Variants in PCDHA1 observed in about 807,000 individuals in gnomAD.
PCDHA1 encodes protocadherin alpha 1, also known as protocadherin alpha-1.
A neutral mutation model predicts 61.3 loss-of-function variants in PCDHA1; 42 were observed. The ratio of observed to expected loss-of-function variants is 0.69; its 90% CI spans 0.54 to 0.89. The LOEUF is 0.89. PCDHA1 is among the 40% of genes least tolerant of loss of function. The probability of loss-of-function intolerance (pLI) is 0.00; values close to 1 mark genes in which losing one functional copy is unlikely to be tolerated. For missense variants in PCDHA1, 1,256 were observed against 1,235.3 expected (o/e 1.02, Z -0.25); for synonymous variants, 610 against 553.8 (o/e 1.10, Z -1.43).
intron 1 of PCDHA1, among the ~76,000 whole-genome samples, chr5:140,790,164 G>A (rs1761570982): frequency 6.6e-6 from 1 of 152,154 alleles, no homozygotes; most frequent in Non-Finnish European, 1.5e-5. Context: ...AGGAAGATTT[G>A]ATTACTGATG....
At position 140,824,610 on chromosome 5, in the gene PCDHA1, G is replaced by GTTTTT. The variant is rs782443702; in HGVS notation, c.2394+35944_2394+35948dup. 4.6e-3 allele frequency: 437 copies of GTTTTT among 95,104 alleles called. 77 individuals carry two copies. Among genetic ancestry groups the GTTTTT allele is most frequent in the African/African-American group, 0.02 (401 of 20,564 alleles). 5.9% of individuals were successfully genotyped at this position (95,104 alleles called of 1,614,324 possible). On this transcript the variant is annotated intron_variant, in intron 1 of 3. Transcript: ENST00000504120. Reference sequence around the variant, plus strand: ...GGACTACATGCACATGCTAATTAAAGTTTTTTTTTTTTTTTTTTTTTTATT... The same window carrying GTTTTT: ...GGACTACATGCACATGCTAATTAAAGTTTTTTTTTTTTTTTTTTTTTTTTTTTATT...
intron 1 of PCDHA1, among the ~76,000 whole-genome samples, chr5:140,912,376 G>A (rs2075897019): frequency 6.6e-6 from 1 of 151,474 alleles, no homozygotes; most frequent in African/African-American, 2.4e-5. Context: ...TTGTAAAAGG[G>A]ATTGAGTTCT....
Position 140,926,904 on chromosome 5 carries a change from T to G in PCDHA1, c.2395-52045T>G, listed in dbSNP as rs150445810. Reference sequence around the variant, plus strand: ...CGCCTAGAGGGAGGATGGTGGGCTGTGGGGTGGCAGTTTTATGTTTGTGGG... The same window carrying G: ...CGCCTAGAGGGAGGATGGTGGGCTGGGGGGTGGCAGTTTTATGTTTGTGGG... On this transcript the variant is annotated intron_variant, in intron 1 of 3. Transcript: ENST00000504120. 5,017 of 1,557,626 alleles carry G rather than the reference T, an allele frequency of 3.2e-3. 25 individuals carry two copies. Among genetic ancestry groups the G allele is most frequent in the African/African-American group, 0.019 (1,427 of 73,544 alleles).
chr5:140,992,381 T>C (rs890804495), intron 3 of PCDHA1, among the ~76,000 whole-genome samples: 5 of 152,200 alleles, frequency 3.3e-5, no homozygotes, highest in Admixed American at 1.3e-4. Context: ...TACATTATTG[T>C]GTTCTGGACT....
Position 140,809,167 on chromosome 5 carries a change from G to A in PCDHA1, c.2394+20483G>A, listed in dbSNP as rs782582127. The A allele has an allele frequency of 8.7e-6, 14 of 1,613,872 alleles. 1 individual carries two copies. The South Asian group carries it at 8.8e-5, about 10-fold the overall frequency. The stretch of plus-strand genomic sequence containing the variant: ...AGGACCACGGCGAGCCCGCGCTGAC[G>A]GCCACGGCCACTGTGCTGGTGTCAC... On this transcript the variant is annotated intron_variant, in intron 1 of 3. Coordinates refer to ENST00000504120, the MANE Select transcript of PCDHA1 (RefSeq NM_018900.4).
chr5:140,877,090 G>T lies in PCDHA1; in HGVS notation c.2394+88406G>T, dbSNP rs201209762. ...GCAGTTCCAGGTGAGCGCGCGCGAC[G>T]CCGGCGTGCCGCCTCTGGGCAGCAA... is the stretch of plus-strand genomic sequence containing the variant. On this transcript the variant is annotated intron_variant, in intron 1 of 3. Coordinates refer to ENST00000504120, the MANE Select transcript of PCDHA1 (RefSeq NM_018900.4). 4,655 of 1,613,184 alleles carry T rather than the reference G, an allele frequency of 2.9e-3. 21 individuals are homozygous for T. Among genetic ancestry groups the T allele is most frequent in the African/African-American group, 0.01 (785 of 75,036 alleles).
chr5:140,953,283 G>A (rs1377100708), intron 1 of PCDHA1, among the ~76,000 whole-genome samples: 5 of 152,132 alleles, frequency 3.3e-5, no homozygotes, highest in Non-Finnish European at 7.3e-5. Flanking sequence ...CTCTTTATAT[G>A]TGATTCAGGG....
In PCDHA1 at chr5:140,834,549, C is replaced by G. The variant is rs782435489; in HGVS notation, c.2394+45865C>G. 3 of 1,614,074 alleles carry G rather than the reference C, an allele frequency of 1.9e-6. No individual in the cohort carries two copies. Among genetic ancestry groups the G allele is most frequent in the Non-Finnish European group, 2.5e-6 (3 of 1,180,034 alleles). On this transcript the variant is annotated intron_variant, in intron 1 of 3. Transcript: ENST00000504120. ...CATCGCGCAGGACCTGGGGCTGGAG[C>G]TGGCGGAGCTGGTGCCGCGCCTGTT...
At chr5:140,924,881 C>T (rs1177812297) in intron 1 of PCDHA1, among the ~76,000 whole-genome samples, 20 of 141,170 alleles carry the variant, frequency 1.4e-4, no homozygotes, top group African/African-American at 5.5e-4. Flanking sequence ...GGTGACAGAG[C>T]AAGAACCTGT....
chr5:140,841,810 A>G (rs782078620), intron 1 of PCDHA1: 2 of 1,613,740 alleles, frequency 1.2e-6, no homozygotes. Context: ...CAGATGTTGG[A>G]GCTAACTCCG....
intron 1 of PCDHA1, chr5:140,968,160 A>G: frequency 7.4e-6 from 12 of 1,614,104 alleles, no homozygotes; most frequent in Non-Finnish European, 1.0e-5. Context: ...ATCAATGACA[A>G]TCCACCAAGC....
intron 1 of PCDHA1, among the ~76,000 whole-genome samples, chr5:140,918,366 T>G (rs1203283831): frequency 2.0e-5 from 3 of 152,180 alleles, no homozygotes; most frequent in African/African-American, 7.2e-5. Flanking sequence ...CTCTGCCTAT[T>G]TGGATGCCTT....
Position 140,786,507 on chromosome 5 carries a change from G to A in PCDHA1, c.217G>A (p.Asp73Asn), listed in dbSNP as rs782298433. The change falls in exon 1 of 4, where the codon GAC becomes AAC. Residue 73 changes from aspartate to asparagine, a missense_variant. Physicochemically the swap from Asp to Asn is conservative, Grantham distance 23. Transcript: ENST00000504120. ...CCGGGTGGCGTCCAAAACACACAGG[G>A]ACCTTCTGGAGGTAAATCTGCAGAA... ...LFRVASKTHR[D>N]LLEVNLQNGI... The A allele has an allele frequency of 1.2e-6, 2 of 1,614,002 alleles. No homozygotes were observed. Among genetic ancestry groups the A allele is most frequent in the South Asian group, 2.2e-5 (2 of 91,068 alleles).
chr5:141,008,641 T>G (rs569373015), intron 3 of PCDHA1, among the ~76,000 whole-genome samples: 1 of 152,344 alleles, frequency 6.6e-6, no homozygotes, highest in Admixed American at 6.5e-5. Context: ...TAACAATTTC[T>G]TCTTCTGGAG....
At chr5:140,821,966 G>A (rs1280808656) in intron 1 of PCDHA1, 5 of 1,614,052 alleles carry the variant, frequency 3.1e-6, no homozygotes, top group Non-Finnish European at 4.2e-6. Context: ...CGCCTGTTCC[G>A]GGTGGCGTCC....
intron 1 of PCDHA1, among the ~76,000 whole-genome samples, chr5:140,937,729 G>A (rs1471512736): frequency 1.3e-5 from 2 of 151,886 alleles, no homozygotes; most frequent in African/African-American, 4.8e-5. Context: ...TGGCTAACAC[G>A]GTGAAACCCC....
chr5:140,808,970 C>A lies in PCDHA1; in HGVS notation c.2394+20286C>A, dbSNP rs879959461. The A allele has an allele frequency of 5.6e-6, 9 of 1,613,572 alleles. No homozygotes were observed. The South Asian group carries it at 8.8e-5, about 16-fold the overall frequency. On this transcript the variant is annotated intron_variant, in intron 1 of 3. Transcript: ENST00000504120. ...TGTGGGCCACGTGGTGGCAAAGGTG[C>A]GCGCGGTGGATGCTGACTCGGGCTA...
At chr5:140,974,426 G>T (rs1417085676) in intron 1 of PCDHA1, among the ~76,000 whole-genome samples, 1 of 152,152 alleles carries the variant, frequency 6.6e-6, no homozygotes, top group Non-Finnish European at 1.5e-5. Flanking sequence ...TTACTTTCCT[G>T]GTTTGTAAAT....
chr5:140,825,376 AATATCTAAT>A (rs1315451832), intron 1 of PCDHA1: 2 of 146,378 alleles, frequency 1.4e-5, no homozygotes, highest in Non-Finnish European at 3.0e-5. Context: ...AAATATCTAA[AATATCTAAT>A]ATATATCTAA....
Sources: allele counts gnomAD v4.1 joint callset (sites outside exome capture counted in the v4.1 genomes callset), GRCh38; gene constraint gnomAD v4.1.1; transcripts MANE v1.5; gene names NCBI Gene and HGNC (gene_info 2026-07-23, HGNC 2026-07-21).